The following ARL2BP variants were observed in gnomAD, a reference collection of about 807,000 sequenced individuals.
ARL2BP encodes the protein ADP-ribosylation factor-like protein 2-binding protein.
Under a neutral mutation model 24.2 loss-of-function variants are expected in ARL2BP, and 19 were observed. The observed-to-expected ratio is 0.79, with a 90% CI of 0.55 to 1.15. The LOEUF is 1.15. Ranked by LOEUF, ARL2BP falls within the 50% of genes most tolerant of loss-of-function variation. The probability of loss-of-function intolerance (pLI) is 0.00; values close to 1 mark genes in which losing one functional copy is unlikely to be tolerated. For synonymous variants in ARL2BP, 56 were observed against 70.5 expected (o/e 0.79, Z 1.03); for missense variants, 160 against 190.4 (o/e 0.84, Z 0.94).
Position 57,252,460 on chromosome 16 carries a change from T to C in ARL2BP, c.*193T>C, listed in dbSNP as rs1463441175. The C allele has an allele frequency of 7.0e-6, 7 of 1,005,318 alleles. No individual in the cohort carries two copies. Among genetic ancestry groups the C allele is most frequent in the Non-Finnish European group, 7.2e-6 (5 of 696,964 alleles). The allele number at this position is 1,005,318 out of a possible 1,614,324, so 62.3% of individuals were successfully genotyped here. ...ATTTATCCTGAAACACCTTCTTGTATTCATTAACCATAGTACTCCTCCCCA... is the reference window on the plus strand; with the variant it reads ...ATTTATCCTGAAACACCTTCTTGTACTCATTAACCATAGTACTCCTCCCCA... On this transcript the variant is annotated 3_prime_UTR_variant, in exon 6 of 6. Transcript: ENST00000219204.
chr16:57,251,873 G>A, intron 5 of ARL2BP: 1 of 327,024 alleles, frequency 3.1e-6, no homozygotes, highest in African/African-American at 2.1e-5. Flanking sequence ...GCTGAGGCAG[G>A]AGGACCACTT....
rs1014974975 is a variant in ARL2BP, at chr16:57,253,127, A to G, written c.*860A>G. 5 of 152,644 alleles carry G rather than the reference A, an allele frequency of 3.3e-5. No individual in the cohort carries two copies. Among genetic ancestry groups the G allele is most frequent in the South Asian group, 4.1e-4 (2 of 4,838 alleles). The allele number at this position is 152,644 out of a possible 1,614,324, so 9.5% of individuals were successfully genotyped here. On this transcript the variant is annotated 3_prime_UTR_variant, in exon 6 of 6. Coordinates refer to ENST00000219204, the MANE Select transcript of ARL2BP (RefSeq NM_012106.4). Reference sequence around the variant, plus strand: ...TTCATTCCTATTTTACTGGGCACCTATGAATGTATGCTGTGTGCTAGAAAT... The same window carrying G: ...TTCATTCCTATTTTACTGGGCACCTGTGAATGTATGCTGTGTGCTAGAAAT...
intron 4 of ARL2BP, chr16:57,250,144 G>T: frequency 1.7e-6 from 1 of 593,486 alleles, no homozygotes; most frequent in South Asian, 2.1e-5. Context: ...AAATAAATTA[G>T]TCAGGTGTGG....
intron 3 of ARL2BP, 39 bp from the exon 4 acceptor site, chr16:57,249,728 C>T (rs374776802): frequency 6.4e-7 from 1 of 1,552,272 alleles, no homozygotes; most frequent in Non-Finnish European, 8.9e-7. Context: ...CTTGTTTTCC[C>T]AAAGTATGGT....
Position 57,253,621 on chromosome 16 carries a change from AACC to A in ARL2BP, c.*1359_*1361del, listed in dbSNP as rs1469188711. On this transcript the variant is annotated 3_prime_UTR_variant, in exon 6 of 6. Coordinates refer to ENST00000219204, the MANE Select transcript of ARL2BP (RefSeq NM_012106.4). ...AGTAAAACTTCAGGTGTTTCGCAAG[AACC>A]ACCATTCTCAATGAGTTGTATTCTT... The A allele has an allele frequency of 5.9e-5, 9 of 152,158 alleles. No homozygotes were observed. Among genetic ancestry groups the A allele is most frequent in the African/African-American group, 2.2e-4 (9 of 41,454 alleles). 9.4% of individuals were successfully genotyped at this position (152,158 alleles called of 1,614,324 possible).
rs2075415496 is a variant in ARL2BP at position 57,253,595 on chromosome 16, G to A, written c.*1328G>A. 1 of 151,878 alleles carries A rather than the reference G, an allele frequency of 6.6e-6. No individual in the cohort carries two copies. The highest frequency in any genetic ancestry group is 2.4e-5 in the African/African-American group (1 of 41,348). 9.4% of individuals were successfully genotyped at this position (151,878 alleles called of 1,614,324 possible). ...CACTTATTAAATACTTTTGTACCAT[G>A]AGTAAAACTTCAGGTGTTTCGCAAG... On this transcript the variant is annotated 3_prime_UTR_variant, in exon 6 of 6. Coordinates refer to ENST00000219204, the MANE Select transcript of ARL2BP (RefSeq NM_012106.4).
chr16:57,245,464 C>T (rs564949718), intron 1 of ARL2BP, 59 bp downstream of exon 1: 9 of 1,578,804 alleles, frequency 5.7e-6, no homozygotes, highest in Admixed American at 1.9e-5. Flanking sequence ...GCGTTCGCCC[C>T]GGGGCCTGAC....
At position 57,248,517 on chromosome 16, in the gene ARL2BP, T is replaced by C. The variant is rs574634322; in HGVS notation, c.101-20T>C. 1.4e-6 allele frequency: 2 copies of C among 1,471,304 alleles called. No homozygotes were observed. The highest frequency in any genetic ancestry group is 2.8e-5 in the African/African-American group (2 of 71,164). 91.1% of individuals were successfully genotyped at this position (1,471,304 alleles called of 1,614,324 possible). On this transcript the variant is annotated intron_variant, in intron 2 of 5. Transcript: ENST00000219204. ...GGTAATCTCCATTAAAAAGAATAAA[T>C]TTTCCCCACTGTGGTTCAGATGACG...
chr16:57,252,676 A>C lies in ARL2BP; in HGVS notation c.*409A>C. On this transcript the variant is annotated 3_prime_UTR_variant, in exon 6 of 6. Coordinates refer to ENST00000219204, the MANE Select transcript of ARL2BP (RefSeq NM_012106.4). ...CTTTGTGCACTTGCACCTCTTTTTC[A>C]CATGGGCCACAGTTTCAGTACTTCA... 4.6e-6 allele frequency: 1 copy of C among 219,552 alleles called. No homozygotes were observed. Among genetic ancestry groups the C allele is most frequent in the Admixed American group, 5.2e-5 (1 of 19,114 alleles). 13.6% of individuals were successfully genotyped at this position (219,552 alleles called of 1,614,324 possible).
At chr16:57,247,705 G>T (rs1313701134) in intron 2 of ARL2BP, among the ~76,000 whole-genome samples, 1 of 152,090 alleles carries the variant, frequency 6.6e-6, no homozygotes, top group Non-Finnish European at 1.5e-5. Context: ...CTTACCCAAG[G>T]TCACACAATT....
At chr16:57,248,686 T>A (rs1567525928) in intron 3 of ARL2BP, 43 bp downstream of exon 3, 2 of 1,208,070 alleles carry the variant, frequency 1.7e-6, no homozygotes, top group Non-Finnish European at 2.3e-6. Context: ...TCAGAGTTTT[T>A]AAAAATTTAA....
intron 1 of ARL2BP, chr16:57,245,846 T>C: frequency 1.7e-6 from 1 of 577,210 alleles, no homozygotes; most frequent in South Asian, 2.1e-5. Context: ...GGAGAACAAG[T>C]TTTTATTAAA....
chr16:57,250,116 AG>A (rs1365007325), intron 4 of ARL2BP: 8 of 592,132 alleles, frequency 1.4e-5, no homozygotes, highest in Non-Finnish European at 2.4e-5. Context: ...TGACATAGTG[AG>A]GCCCCGACCC....
In ARL2BP at chr16:57,252,222, C is replaced by T. The variant is rs1226697533; in HGVS notation, c.447C>T (p.Cys149=). Reference sequence around the variant, plus strand: ...GTGGCTTAGTGGTGACTTCATTGTGCAAATCATCTTCTCTGCCAGCTTCCC... The same window carrying T: ...GTGGCTTAGTGGTGACTTCATTGTGTAAATCATCTTCTCTGCCAGCTTCCC... The part of the protein sequence containing the change: ...LSSGLVVTSL[C]KSSSLPASQN... Residue 149 remains cysteine (C), a synonymous_variant, in exon 6 of 6, where the codon TGC becomes TGT. Transcript: ENST00000219204. 2 of 1,614,040 alleles carry T rather than the reference C, an allele frequency of 1.2e-6. No homozygotes were observed. The highest frequency in any genetic ancestry group is 1.7e-6 in the Non-Finnish European group (2 of 1,180,044).
At chr16:57,250,369 C>CT in intron 4 of ARL2BP, 42 bp from the exon 5 acceptor site, 2 of 1,535,194 alleles carry the variant, frequency 1.3e-6, no homozygotes, top group Non-Finnish European at 1.8e-6. Flanking sequence ...TGAGGACTGT[C>CT]TCATCATTCA....
At chr16:57,250,839 C>T in intron 5 of ARL2BP, 1 of 236,146 alleles carries the variant, frequency 4.2e-6, no homozygotes, top group Non-Finnish European at 8.3e-6. Context: ...GCAGTGGCAC[C>T]ATCTTGGCTC....
At position 57,252,368 on chromosome 16, in the gene ARL2BP, A is replaced by C; in HGVS notation, c.*101A>C. The C allele has an allele frequency of 6.3e-7, 1 of 1,596,216 alleles. No homozygotes were observed. Among genetic ancestry groups the C allele is most frequent in the Non-Finnish European group, 8.5e-7 (1 of 1,172,416 alleles). ...ACATCTTGGAAAGACTGACTCTGTTATGTAACTCTTCATTTATGTTAAGTA... is the reference window on the plus strand; with the variant it reads ...ACATCTTGGAAAGACTGACTCTGTTCTGTAACTCTTCATTTATGTTAAGTA... On this transcript the variant is annotated 3_prime_UTR_variant, in exon 6 of 6. Transcript: ENST00000219204.
chr16:57,250,099 G>A, intron 4 of ARL2BP: 2 of 595,398 alleles, frequency 3.4e-6, no homozygotes, highest in African/African-American at 1.9e-5. Flanking sequence ...TTCAAGACCA[G>A]CCTGGGTGAC....
chr16:57,248,411 T>A, intron 2 of ARL2BP, 126 bp from the exon 3 acceptor site: 19 of 358,598 alleles, frequency 5.3e-5, no homozygotes, highest in Admixed American at 8.5e-5. Context: ...CCTTAAAACA[T>A]CAGCTTTCCT....
Sources: allele counts gnomAD v4.1 joint callset (sites outside exome capture counted in the v4.1 genomes callset), GRCh38; gene constraint gnomAD v4.1.1; transcripts MANE v1.5; gene names NCBI Gene and HGNC (gene_info 2026-07-23, HGNC 2026-07-21).